Variants in FILIP1 observed in about 807,000 individuals in gnomAD.
The protein encoded by FILIP1 is filamin-A-interacting protein 1.
Under a neutral mutation model 102.1 loss-of-function variants are expected in FILIP1, and 61 were observed. That is an observed-to-expected ratio of 0.60 (90% CI 0.49 to 0.74). The LOEUF (loss-of-function observed/expected upper bound fraction) is 0.74, where lower values mean the gene tolerates loss of function less well. Among genes scored for constraint, FILIP1 ranks in the 30% least tolerant of loss-of-function variants. FILIP1 has a pLI of 0.00. For synonymous variants in FILIP1, 491 were observed against 526.9 expected, an observed-to-expected ratio of 0.93 and a Z score of 0.93; for missense variants, 1,314 against 1,441.2, an observed-to-expected ratio of 0.91 and a Z score of 1.43.
chr6:75,418,572 G>T (rs1208585541), intron 1 of FILIP1, among the ~76,000 whole-genome samples: 1 of 152,142 alleles, frequency 6.6e-6, no homozygotes, highest in African/African-American at 2.4e-5. Context: ...AGGGTAGCAG[G>T]CAGGTAACAG....
At chr6:75,300,896 TATAACTG>T (rs1490233052) in intron 6 of FILIP1, among the ~76,000 whole-genome samples, 5 of 152,332 alleles carry the variant, frequency 3.3e-5, no homozygotes, top group African/African-American at 9.6e-5. Flanking sequence ...TAATCACAGT[TATAACTG>T]ATAAATTCTT....
intron 2 of FILIP1, among the ~76,000 whole-genome samples, chr6:75,397,029 G>C (rs1420538427): frequency 8.6e-6 from 1 of 115,896 alleles, no homozygotes; most frequent in South Asian, 3.6e-4. Flanking sequence ...GTGGGGGGAG[G>C]GGGGAGGGAT....
At chr6:75,329,893 C>A (rs1364442806) in intron 4 of FILIP1, among the ~76,000 whole-genome samples, 1 of 152,038 alleles carries the variant, frequency 6.6e-6, no homozygotes, top group African/African-American at 2.4e-5. Flanking sequence ...TATCCATGAC[C>A]TCAAGCATAT....
At chr6:75,418,911 G>T (rs183643766) in intron 1 of FILIP1, among the ~76,000 whole-genome samples, 3 of 152,092 alleles carry the variant, frequency 2.0e-5, no homozygotes, top group Non-Finnish European at 2.9e-5. Flanking sequence ...GCTAACTAGA[G>T]TGTGAAGAAA....
intron 1 of FILIP1, among the ~76,000 whole-genome samples, chr6:75,415,842 C>T (rs2149689193): frequency 6.6e-6 from 1 of 152,200 alleles, no homozygotes; most frequent in East Asian, 1.9e-4. Flanking sequence ...TCAAGTCATC[C>T]CATGAGGAAT....
At chr6:75,411,798 A>G (rs955916561) in intron 2 of FILIP1, among the ~76,000 whole-genome samples, 2 of 152,104 alleles carry the variant, frequency 1.3e-5, no homozygotes, top group African/African-American at 4.8e-5. Context: ...TACCGGTACC[A>G]TGATGTTTTG....
intron 1 of FILIP1, among the ~76,000 whole-genome samples, chr6:75,474,433 A>G (rs1779415858): frequency 1.3e-5 from 2 of 152,192 alleles, no homozygotes; most frequent in African/African-American, 2.4e-5. Flanking sequence ...TCCTACTACC[A>G]GAGGACTGGA....
At chr6:75,438,528 C>A (rs150732709) in intron 1 of FILIP1, among the ~76,000 whole-genome samples, 2 of 152,262 alleles carry the variant, frequency 1.3e-5, no homozygotes, top group East Asian at 3.9e-4. Context: ...TCATAAACTG[C>A]TTGAGGGCAA....
At chr6:75,481,262 A>G (rs1268146567) in intron 1 of FILIP1, among the ~76,000 whole-genome samples, 1 of 152,218 alleles carries the variant, frequency 6.6e-6, no homozygotes, top group East Asian at 1.9e-4. Context: ...TCACCATTGT[A>G]TCCCAATCCC....
chr6:75,305,298 C>A (rs1288050505), downstream of FILIP1, among the ~76,000 whole-genome samples: 1 of 152,196 alleles, frequency 6.6e-6, no homozygotes, highest in Non-Finnish European at 1.5e-5. Flanking sequence ...GAAAGTCTCA[C>A]CCTTTCCTCA....
rs957610003 is a variant in FILIP1 at position 75,396,918 on chromosome 6, A to G, written c.276+17779T>C. On this transcript the variant is annotated intron_variant, in intron 2 of 5. Transcript: ENST00000237172. Reference sequence around the variant, plus strand: ...GCTGACACGTTATGCCAAACCATCTATAAGTAAGTCATGTTACGTTCTCAC... The same window carrying G: ...GCTGACACGTTATGCCAAACCATCTGTAAGTAAGTCATGTTACGTTCTCAC... Among the ~76,000 whole-genome samples, 3 of 150,830 alleles carry G rather than the reference A, an allele frequency of 2.0e-5. No individual in the cohort carries two copies. In the Admixed American group the frequency reaches 2.0e-4, roughly 10 times the overall value.
chr6:75,492,554 A>C (rs1779993879), intron 1 of FILIP1, among the ~76,000 whole-genome samples: 1 of 152,178 alleles, frequency 6.6e-6, no homozygotes, highest in Non-Finnish European at 1.5e-5. Flanking sequence ...TTCAACATGA[A>C]ATTGGTTACT....
chr6:75,343,549 A>C, intron 4 of FILIP1, among the ~76,000 whole-genome samples: 1 of 152,112 alleles, frequency 6.6e-6, no homozygotes. Flanking sequence ...ATCTTATCTA[A>C]ATGGGAAAGA....
intron 2 of FILIP1, among the ~76,000 whole-genome samples, chr6:75,372,653 GAAAGAAAGAAAGAAAGAAAGAA>G (rs1775570375): frequency 5.2e-5 from 3 of 57,668 alleles, no homozygotes; most frequent in Non-Finnish European, 9.8e-5. Context: ...AAGAAAGAAA[GAAAGAAAGAAAGAAAGAAAGAA>G]AGAAAGAAAG....
chr6:75,311,359 T>G (rs1417280787), intron 5 of FILIP1, among the ~76,000 whole-genome samples: 1 of 151,736 alleles, frequency 6.6e-6, no homozygotes, highest in Non-Finnish European at 1.5e-5. Context: ...CTTTTTTTTT[T>G]TTTTTTGTAT....
chr6:75,444,633 C>T (rs1208675354), intron 1 of FILIP1, among the ~76,000 whole-genome samples: 1 of 152,210 alleles, frequency 6.6e-6, no homozygotes, highest in Non-Finnish European at 1.5e-5. Flanking sequence ...ACTTGACACT[C>T]ACCTAGCTCA....
chr6:75,326,137 A>G (rs942766206), intron 4 of FILIP1, among the ~76,000 whole-genome samples: 42 of 152,126 alleles, frequency 2.8e-4, no homozygotes, highest in African/African-American at 1.0e-3. Flanking sequence ...ACACACACAC[A>G]CACACACACA....
chr6:75,313,475 A>G lies in FILIP1; in HGVS notation c.2357T>C (p.Leu786Pro), dbSNP rs780125831. 2 of 1,614,198 alleles carry G rather than the reference A, an allele frequency of 1.2e-6. No homozygotes were observed. Among genetic ancestry groups the G allele is most frequent in the Non-Finnish European group, 1.7e-6 (2 of 1,180,038 alleles). ...LELSKRYSRA[L>P]RPSVNGRRMV... is the part of the protein sequence containing the mutation. ...TCTTCTTCCATTCACACTGGGCCTA[A>G]GAGCTCTGCTGTAGCGCTTGGAAAG... is the stretch of plus-strand genomic sequence containing the variant. The change falls in exon 5 of 6, where the codon CTT (leucine) becomes CCT (proline). Residue 786 changes from leucine to proline, a missense_variant. Physicochemically the swap from Leu to Pro is moderately conservative, Grantham distance 98. Transcript: ENST00000237172. This position sits in a 1 kb window ranked among gnomAD's most constrained non-coding sequence, Gnocchi z 4.2.
At chr6:75,442,038 G>A (rs1778273107) in intron 1 of FILIP1, among the ~76,000 whole-genome samples, 1 of 151,958 alleles carries the variant, frequency 6.6e-6, no homozygotes, top group South Asian at 2.1e-4. Context: ...CTTCTGGGAC[G>A]GGGCGGCTGC....
Sources: gnomAD v4.1 joint callset for allele counts (sites outside exome capture counted in the v4.1 genomes callset) on GRCh38, gnomAD v4.1.1 for gene constraint, Gnocchi (gnomAD v3.1) non-coding constraint, MANE v1.5 for transcripts, NCBI Gene and HGNC (gene_info 2026-07-23, HGNC 2026-07-21) for gene names.